Variants in GLCE observed in about 807,000 individuals in gnomAD.
GLCE encodes D-glucuronyl C5-epimerase.
Under a neutral mutation model 47.9 loss-of-function variants are expected in GLCE, and 19 were observed. That is an observed-to-expected ratio of 0.40 (90% confidence interval 0.28 to 0.58). GLCE has a LOEUF of 0.58. Ranked by LOEUF, GLCE falls within the 20% of genes least tolerant of loss-of-function variation. The pLI is 0.48. For missense variants in GLCE, 556 were observed against 743.3 expected (o/e 0.75, Z 2.93); for synonymous variants, 245 against 263.4 (o/e 0.93, Z 0.68).
intron 3 of GLCE, among the ~76,000 whole-genome samples, chr15:69,260,542 G>A (rs2052999448): frequency 6.6e-6 from 1 of 152,128 alleles, no homozygotes; most frequent in African/African-American, 2.4e-5. Flanking sequence ...TTACAGGCAT[G>A]AGCCACCGTG....
At chr15:69,225,318 T>C (rs966244745) in intron 2 of GLCE, among the ~76,000 whole-genome samples, 1 of 152,112 alleles carries the variant, frequency 6.6e-6, no homozygotes, top group Non-Finnish European at 1.5e-5. Context: ...GTCATAGAAG[T>C]CCCTGTCCTC....
chr15:69,252,847 A>G (rs916221561), intron 2 of GLCE, among the ~76,000 whole-genome samples: 2 of 152,162 alleles, frequency 1.3e-5, no homozygotes, highest in Non-Finnish European at 2.9e-5. Flanking sequence ...CTCAATTTAT[A>G]TGACTTCTTA....
intron 2 of GLCE, among the ~76,000 whole-genome samples, chr15:69,241,523 C>T (rs1391882248): frequency 6.6e-6 from 1 of 152,192 alleles, no homozygotes; most frequent in Non-Finnish European, 1.5e-5. Flanking sequence ...CACTGGAGCA[C>T]AAACTAATTA....
intron 1 of GLCE, among the ~76,000 whole-genome samples, chr15:69,161,133 C>G (rs2051412608): frequency 6.6e-6 from 1 of 151,974 alleles, no homozygotes; most frequent in Admixed American, 6.5e-5. Flanking sequence ...GGTTCCGGGA[C>G]AAGGGGTCTT....
intron 2 of GLCE, among the ~76,000 whole-genome samples, chr15:69,222,224 A>G (rs1458633571): frequency 3.9e-5 from 6 of 152,218 alleles, no homozygotes; most frequent in Non-Finnish European, 7.3e-5. Context: ...GACTGCTGAC[A>G]ACAGCATTCC....
chr15:69,258,500 G>T (rs1452900101), intron 3 of GLCE, among the ~76,000 whole-genome samples: 3 of 152,118 alleles, frequency 2.0e-5, no homozygotes, highest in Non-Finnish European at 4.4e-5. Flanking sequence ...GACATGCCAT[G>T]ATATATGTAA....
intron 1 of GLCE, among the ~76,000 whole-genome samples, chr15:69,171,801 G>A (rs906828627): frequency 2.9e-4 from 44 of 152,076 alleles, no homozygotes; most frequent in Non-Finnish European, 1.9e-4. Flanking sequence ...TAAGTTAGGG[G>A]TATTATAAGA....
chr15:69,234,963 T>A (rs1418268284), intron 2 of GLCE, among the ~76,000 whole-genome samples: 2 of 152,124 alleles, frequency 1.3e-5, no homozygotes, highest in Non-Finnish European at 2.9e-5. Flanking sequence ...AGAAAGGTGA[T>A]TTTTTTCAGG....
chr15:69,175,232 T>C (rs1169492632), intron 1 of GLCE, among the ~76,000 whole-genome samples: 2 of 152,150 alleles, frequency 1.3e-5, no homozygotes, highest in Non-Finnish European at 1.5e-5. Flanking sequence ...ACTTTAAAAA[T>C]GAAAAATAAG....
chr15:69,257,871 A>G (rs2052950296), intron 3 of GLCE, among the ~76,000 whole-genome samples: 1 of 152,068 alleles, frequency 6.6e-6, no homozygotes, highest in South Asian at 2.1e-4. Context: ...TTTTAAATGC[A>G]TGAAATTAAT....
intron 1 of GLCE, among the ~76,000 whole-genome samples, chr15:69,177,420 T>A (rs2051684133): frequency 6.6e-6 from 1 of 152,138 alleles, no homozygotes; most frequent in African/African-American, 2.4e-5. Flanking sequence ...ATCACCATTT[T>A]TTGATAATTT....
intron 2 of GLCE, among the ~76,000 whole-genome samples, chr15:69,213,981 C>T (rs4776436): frequency 0.51 from 77,296 of 151,796 alleles, 23,202 homozygotes; most frequent in Non-Finnish European, 0.65. Context: ...CCACTGGGAG[C>T]GCTTTTCAAC....
chr15:69,214,910 T>C (rs866577153), intron 2 of GLCE, among the ~76,000 whole-genome samples: 1 of 152,210 alleles, frequency 6.6e-6, no homozygotes, highest in Non-Finnish European at 1.5e-5. Context: ...GTTATTTTTA[T>C]CTTTATTCTC....
chr15:69,202,059 A>G (rs1048047190), intron 1 of GLCE, among the ~76,000 whole-genome samples: 3 of 152,078 alleles, frequency 2.0e-5, no homozygotes, highest in South Asian at 2.1e-4. Context: ...AACTGGGACT[A>G]TAGGCACACT....
chr15:69,182,192 A>G (rs988568471), intron 1 of GLCE, among the ~76,000 whole-genome samples: 1 of 152,030 alleles, frequency 6.6e-6, no homozygotes, highest in Non-Finnish European at 1.5e-5. Flanking sequence ...TATAATTGTC[A>G]GTCAGCATTA....
At chr15:69,216,652 A>G (rs1355251631) in intron 2 of GLCE, among the ~76,000 whole-genome samples, 1 of 152,112 alleles carries the variant, frequency 6.6e-6, no homozygotes, top group African/African-American at 2.4e-5. Flanking sequence ...TGTATAACAA[A>G]TAGAAAGTTA....
At chr15:69,205,153 G>A (rs1224970747) in intron 1 of GLCE, among the ~76,000 whole-genome samples, 1 of 151,906 alleles carries the variant, frequency 6.6e-6, no homozygotes, top group Non-Finnish European at 1.5e-5. Context: ...TCCCTGTGTA[G>A]TTGTGCTCCC....
chr15:69,206,738 C>G (rs954224357), intron 1 of GLCE, among the ~76,000 whole-genome samples: 1 of 151,906 alleles, frequency 6.6e-6, no homozygotes, highest in Non-Finnish European at 1.5e-5. Context: ...CTAGAATCAG[C>G]CATTTCCACC....
At chr15:69,266,812 T>G (rs1005195461) in intron 4 of GLCE, 1 of 481,948 alleles carries the variant, frequency 2.1e-6, no homozygotes, top group South Asian at 8.7e-5. Flanking sequence ...TTCTAGTCCC[T>G]GCTCTACAAC....
Sources: allele counts gnomAD v4.1 joint callset (sites outside exome capture counted in the v4.1 genomes callset), GRCh38; gene constraint gnomAD v4.1.1; transcripts MANE v1.5; gene names NCBI Gene and HGNC (gene_info 2026-07-23, HGNC 2026-07-21).